Variants in RALGAPB observed in about 807,000 individuals in gnomAD.
The protein encoded by RALGAPB is Ral GTPase activating protein non-catalytic subunit beta, also known as ral GTPase-activating protein subunit beta.
Under a neutral mutation model 161.1 loss-of-function variants are expected in RALGAPB, and 25 were observed. The observed-to-expected ratio is 0.16, with a 90% CI of 0.11 to 0.22. RALGAPB has a LOEUF of 0.22. Ranked by LOEUF, RALGAPB falls within the 10% of genes least tolerant of loss-of-function variation. The pLI is 1.00. For missense variants in RALGAPB, 1,391 were observed against 1,815.2 expected, an observed-to-expected ratio of 0.77 and a Z score of 4.25; for synonymous variants, 629 against 626.1, an observed-to-expected ratio of 1.00 and a Z score of -0.07.
intron 10 of RALGAPB, 58 bp from the exon 11 acceptor site, chr20:38,524,720 A>G: frequency 2.2e-6 from 3 of 1,349,744 alleles, no homozygotes; most frequent in Non-Finnish European, 3.2e-6. Context: ...GTAGCAAATA[A>G]TAATTATGAA....
intron 13 of RALGAPB, among the ~76,000 whole-genome samples, chr20:38,529,963 A>G (rs1006204067): frequency 1.3e-5 from 2 of 152,246 alleles, no homozygotes; most frequent in Non-Finnish European, 2.9e-5. Context: ...TGTAGACCCC[A>G]ATCTACAGTA....
chr20:38,491,871 T>C (rs1003640075), intron 2 of RALGAPB, among the ~76,000 whole-genome samples: 2 of 152,258 alleles, frequency 1.3e-5, no homozygotes, highest in African/African-American at 2.4e-5. Context: ...CTTGATCTTA[T>C]TGAGCAGGCT....
At chr20:38,526,411 C>T (rs2086471243) in intron 13 of RALGAPB, among the ~76,000 whole-genome samples, 1 of 152,014 alleles carries the variant, frequency 6.6e-6, no homozygotes, top group Non-Finnish European at 1.5e-5. Context: ...GCCTCTTCCT[C>T]TTCTTCTTGC....
intron 5 of RALGAPB, among the ~76,000 whole-genome samples, chr20:38,507,213 A>G (rs1333395773): frequency 2.0e-5 from 3 of 152,054 alleles, no homozygotes; most frequent in Non-Finnish European, 2.9e-5. Context: ...TCTATATAAT[A>G]TTATCTACTT....
At chr20:38,519,965 T>C (rs898820062) in intron 9 of RALGAPB, among the ~76,000 whole-genome samples, 4 of 152,230 alleles carry the variant, frequency 2.6e-5, no homozygotes, top group African/African-American at 9.6e-5. Context: ...AACTAAAATT[T>C]TAATGCACGT....
At chr20:38,498,095 CAATT>C (rs142600537) in intron 4 of RALGAPB, among the ~76,000 whole-genome samples, 30,399 of 145,576 alleles carry the variant, frequency 0.21, 4,228 homozygotes, top group Non-Finnish European at 0.29. Flanking sequence ...AGAAAAGAAA[CAATT>C]AACCAATTAA....
At chr20:38,555,384 TA>T (rs2087544587) in intron 22 of RALGAPB, among the ~76,000 whole-genome samples, 1 of 152,228 alleles carries the variant, frequency 6.6e-6, no homozygotes, top group African/African-American at 2.4e-5. Flanking sequence ...ATTTTTTTTG[TA>T]TTTTTGTATT....
intron 4 of RALGAPB, among the ~76,000 whole-genome samples, 182 bp downstream of exon 4, chr20:38,497,698 T>C (rs2085467769): frequency 6.6e-6 from 1 of 152,164 alleles, no homozygotes; most frequent in East Asian, 1.9e-4. Flanking sequence ...GATGAAGTTA[T>C]TTTACCTTCA....
intron 2 of RALGAPB, 130 bp downstream of exon 2, chr20:38,488,748 T>C: frequency 1.2e-6 from 1 of 866,010 alleles, no homozygotes; most frequent in Non-Finnish European, 1.7e-6. Flanking sequence ...AACTTTTTAA[T>C]GGATTTCTCC....
chr20:38,485,495 T>G (rs2085087271), intron 1 of RALGAPB, among the ~76,000 whole-genome samples: 1 of 152,166 alleles, frequency 6.6e-6, no homozygotes, highest in South Asian at 2.1e-4. Context: ...TGGTGCGATC[T>G]CAGCTTACTG....
chr20:38,535,627 C>G (rs1480040830), intron 16 of RALGAPB, among the ~76,000 whole-genome samples: 5 of 146,644 alleles, frequency 3.4e-5, no homozygotes, highest in Admixed American at 2.1e-4. Context: ...GAGTCTTGCT[C>G]TGTCGCCCAG....
chr20:38,534,053 C>G (rs1480885672), intron 15 of RALGAPB, among the ~76,000 whole-genome samples: 1 of 149,772 alleles, frequency 6.7e-6, no homozygotes, highest in East Asian at 2.0e-4. Context: ...GTAGGAGACT[C>G]TCTTGAACCT....
intron 2 of RALGAPB, among the ~76,000 whole-genome samples, chr20:38,492,315 G>A (rs942936136): frequency 6.6e-6 from 1 of 152,222 alleles, no homozygotes; most frequent in Admixed American, 6.5e-5. Context: ...ATGTGATTCA[G>A]CTAGGTCAGG....
In RALGAPB at chr20:38,488,466, A is replaced by T. The variant is rs201367890; in HGVS notation, c.34A>T (p.Ile12Phe). 21 of 1,614,118 alleles carry T rather than the reference A, an allele frequency of 1.3e-5. No homozygotes were observed. Among genetic ancestry groups the T allele is most frequent in the Non-Finnish European group, 1.8e-5 (21 of 1,180,012 alleles). Residue 12 changes from isoleucine to phenylalanine, a missense_variant, in exon 2 of 30, where the codon ATT (isoleucine) becomes TTT (phenylalanine). Coordinates refer to ENST00000262879, the MANE Select transcript of RALGAPB (RefSeq NM_020336.4). ...TGAGTGGAGGTCACTGCATTTGGTG[A>T]TTCAGAATGATCAAGGCCATACCAG... ...YSEWRSLHLVIQNDQGHTSVL... is the reference protein window; with the variant it reads ...YSEWRSLHLVFQNDQGHTSVL...
intron 27 of RALGAPB, 46 bp from the exon 28 acceptor site, chr20:38,570,723 G>T (rs762493879): frequency 2.3e-5 from 28 of 1,235,296 alleles, no homozygotes; most frequent in Non-Finnish European, 3.1e-5. Flanking sequence ...TATCTGTTTG[G>T]GAAAATGAGG....
At chr20:38,531,128 G>T in intron 13 of RALGAPB, 39 bp from the exon 14 acceptor site, 3 of 1,468,414 alleles carry the variant, frequency 2.0e-6, no homozygotes, top group Non-Finnish European at 1.9e-6. Context: ...TAGTGTTCTT[G>T]TGTATTTTAT....
intron 10 of RALGAPB, among the ~76,000 whole-genome samples, chr20:38,523,347 G>T: frequency 6.6e-6 from 1 of 152,172 alleles, no homozygotes; most frequent in East Asian, 1.9e-4. Context: ...TGTTGTGGGG[G>T]CATGTTTCTC....
chr20:38,489,185 GT>G (rs2085206484), intron 2 of RALGAPB, among the ~76,000 whole-genome samples: 1 of 152,056 alleles, frequency 6.6e-6, no homozygotes, highest in South Asian at 2.1e-4. Flanking sequence ...TGTGTTTGCT[GT>G]TTCTTTTTTT....
At chr20:38,486,214 C>G (rs891714493) in intron 1 of RALGAPB, among the ~76,000 whole-genome samples, 1 of 152,060 alleles carries the variant, frequency 6.6e-6, no homozygotes, top group Non-Finnish European at 1.5e-5. Flanking sequence ...CTCAGGTGAT[C>G]CACCCACCTC....
Sources: allele counts gnomAD v4.1 joint callset (sites outside exome capture counted in the v4.1 genomes callset), GRCh38; gene constraint gnomAD v4.1.1; transcripts MANE v1.5; gene names NCBI Gene and HGNC (gene_info 2026-07-23, HGNC 2026-07-21).